PLCL1: variants seen among roughly 807,000 people sequenced by gnomAD.
PLCL1 encodes the protein phospholipase C like 1 (inactive).
A neutral mutation model predicts 84.4 loss-of-function variants in PLCL1; 41 were observed. The ratio of observed to expected loss-of-function variants is 0.49; its 90% confidence interval spans 0.38 to 0.63. PLCL1 has a LOEUF of 0.63. Among genes scored for constraint, PLCL1 ranks in the 30% least tolerant of loss-of-function variants. The pLI is 0.00. For missense variants in PLCL1, 1,206 were observed against 1,367.8 expected, an observed-to-expected ratio of 0.88 and a Z score of 1.87; for synonymous variants, 490 against 488.3, an observed-to-expected ratio of 1.00 and a Z score of -0.05.
intron 5 of PLCL1, among the ~76,000 whole-genome samples, chr2:198,111,177 A>G (rs1041252133): frequency 6.6e-6 from 1 of 151,868 alleles, no homozygotes; most frequent in Non-Finnish European, 1.5e-5. Context: ...CTACTACAAT[A>G]TAACACAATG....
chr2:197,978,062 G>T (rs1002634148), intron 1 of PLCL1, among the ~76,000 whole-genome samples: 6 of 152,184 alleles, frequency 3.9e-5, no homozygotes, highest in Non-Finnish European at 7.3e-5. Flanking sequence ...GATTATCTTA[G>T]GTTACTTGTT....
chr2:197,922,721 C>T (rs1211412902), intron 1 of PLCL1, among the ~76,000 whole-genome samples: 15 of 116,308 alleles, frequency 1.3e-4, no homozygotes, highest in African/African-American at 6.1e-5. Flanking sequence ...CCAGTAGGGG[C>T]GGCCGGGCAG....
At chr2:198,060,625 T>A (rs1281302421) in intron 1 of PLCL1, among the ~76,000 whole-genome samples, 1 of 152,244 alleles carries the variant, frequency 6.6e-6, no homozygotes, top group Non-Finnish European at 1.5e-5. Context: ...GGAATCTTGA[T>A]GGATTTCTTT....
intron 1 of PLCL1, among the ~76,000 whole-genome samples, chr2:197,997,597 C>A (rs749702980): frequency 5.3e-5 from 8 of 152,168 alleles, no homozygotes; most frequent in Non-Finnish European, 1.2e-4. Flanking sequence ...GGTAGACAAG[C>A]CCAGCAGTGT....
chr2:198,081,402 G>A (rs1692711095), intron 1 of PLCL1, among the ~76,000 whole-genome samples: 1 of 152,072 alleles, frequency 6.6e-6, no homozygotes, highest in Admixed American at 6.6e-5. Context: ...ATGCCATTAG[G>A]TGCCTGCCTT....
At position 198,077,827 on chromosome 2, in the gene PLCL1, A is replaced by G. The variant is rs561420528; in HGVS notation, c.241-5931A>G. On this transcript the variant is annotated intron_variant, in intron 1 of 5. Coordinates refer to ENST00000428675, the MANE Select transcript of PLCL1 (RefSeq NM_006226.4). ...CACTTCCCCTGATATTTCATACCTC[A>G]TTTAGTAATATTTCCACTCACTTCT... is the stretch of plus-strand genomic sequence containing the variant. Among the ~76,000 whole-genome samples, 23 of 152,252 alleles carry G rather than the reference A, an allele frequency of 1.5e-4. No homozygotes were observed. The South Asian group carries it at 2.3e-3, about 15-fold the overall frequency.
At chr2:197,913,603 G>T (rs1243908459) in intron 1 of PLCL1, among the ~76,000 whole-genome samples, 1 of 152,178 alleles carries the variant, frequency 6.6e-6, no homozygotes, top group Non-Finnish European at 1.5e-5. Flanking sequence ...ACAATGTTTA[G>T]ATATTTTTAG....
chr2:198,097,345 A>C (rs1031691202), intron 3 of PLCL1, among the ~76,000 whole-genome samples: 3 of 152,210 alleles, frequency 2.0e-5, no homozygotes, highest in African/African-American at 7.2e-5. Flanking sequence ...TATCAGAGAT[A>C]CATATCCATA....
chr2:198,002,758 T>G (rs544924944), intron 1 of PLCL1, among the ~76,000 whole-genome samples: 9 of 152,320 alleles, frequency 5.9e-5, no homozygotes, highest in African/African-American at 2.2e-4. Flanking sequence ...TTAGGATTGA[T>G]TCTGGTATCC....
chr2:197,888,837 A>C (rs1219174564), intron 1 of PLCL1, among the ~76,000 whole-genome samples: 1 of 152,178 alleles, frequency 6.6e-6, no homozygotes, highest in African/African-American at 2.4e-5. Context: ...ATTTCTTTCT[A>C]ATATTGGAAT....
chr2:198,032,098 G>T (rs527637680), intron 1 of PLCL1, among the ~76,000 whole-genome samples: 1 of 152,232 alleles, frequency 6.6e-6, no homozygotes, highest in Non-Finnish European at 1.5e-5. Context: ...AAAAGATAAT[G>T]ACTAAAATTT....
chr2:198,019,467 G>T (rs943170125), intron 1 of PLCL1, among the ~76,000 whole-genome samples: 1 of 152,182 alleles, frequency 6.6e-6, no homozygotes, highest in Non-Finnish European at 1.5e-5. Flanking sequence ...CTAACCCAAT[G>T]CAAGGAAGCT....
intron 1 of PLCL1, among the ~76,000 whole-genome samples, chr2:198,005,121 C>T (rs563570663): frequency 1.3e-5 from 2 of 152,300 alleles, no homozygotes; most frequent in African/African-American, 4.8e-5. Context: ...AACTTTCCTT[C>T]CTTCCACCCT....
intron 1 of PLCL1, among the ~76,000 whole-genome samples, chr2:197,944,026 G>C (rs150806430): frequency 1.8e-4 from 28 of 152,132 alleles, no homozygotes; most frequent in Non-Finnish European, 3.7e-4. Context: ...TCTCTTCTTG[G>C]TTTATTCCTT....
chr2:197,890,110 C>A (rs896375281), intron 1 of PLCL1, among the ~76,000 whole-genome samples: 7 of 152,004 alleles, frequency 4.6e-5, no homozygotes, highest in African/African-American at 2.4e-5. Context: ...AGAGAAGAGC[C>A]AACAGGGAAG....
intron 1 of PLCL1, among the ~76,000 whole-genome samples, chr2:198,025,490 C>T (rs979234905): frequency 6.6e-6 from 1 of 151,908 alleles, no homozygotes; most frequent in African/African-American, 2.4e-5. Flanking sequence ...TTAGGTTGCA[C>T]ACTGATAGAC....
chr2:198,029,952 A>T (rs1339690974), intron 1 of PLCL1, among the ~76,000 whole-genome samples: 1 of 151,832 alleles, frequency 6.6e-6, no homozygotes, highest in Non-Finnish European at 1.5e-5. Flanking sequence ...CACCTGCCTC[A>T]GCCTCCCAAA....
intron 1 of PLCL1, among the ~76,000 whole-genome samples, chr2:197,853,255 A>C (rs538622255): frequency 6.6e-6 from 1 of 152,224 alleles, no homozygotes; most frequent in East Asian, 1.9e-4. Context: ...TATTTTGTTT[A>C]TCCATTCGTC....
rs1463241290 is a variant in PLCL1, at chr2:198,084,475, C to A, written c.958C>A (p.Leu320Ile). ...CACCAGGCCAGAAGTGTATTTCTTA[C>A]TTGTACAGATATCTAAAAACAAAGA... is the stretch of plus-strand genomic sequence containing the variant. ...LCTRPEVYFLLVQISKNKEYL... is the reference protein window; with the variant it reads ...LCTRPEVYFLIVQISKNKEYL... The change falls in exon 2 of 6, where the codon CTT (leucine) becomes ATT (isoleucine). Residue 320 changes from leucine (L) to isoleucine (I), a missense_variant. Transcript: ENST00000428675. 1 of 1,613,982 alleles carries A rather than the reference C, an allele frequency of 6.2e-7. No homozygotes were observed. The highest frequency in any genetic ancestry group is 1.7e-5 in the Admixed American group (1 of 60,010).
Sources: gnomAD v4.1 joint callset for allele counts (sites outside exome capture counted in the v4.1 genomes callset) on GRCh38, gnomAD v4.1.1 for gene constraint, MANE v1.5 for transcripts, NCBI Gene and HGNC (gene_info 2026-07-23, HGNC 2026-07-21) for gene names.